ADAM10: variants seen among roughly 807,000 people sequenced by gnomAD.
ADAM10 encodes ADAM metallopeptidase domain 10, also known as disintegrin and metalloproteinase domain-containing protein 10.
Under a neutral mutation model 90.1 loss-of-function variants are expected in ADAM10, and 17 were observed. That is an observed-to-expected ratio of 0.19 (90% CI 0.13 to 0.28). The LOEUF (loss-of-function observed/expected upper bound fraction) is 0.28. ADAM10 is among the 10% of genes least tolerant of loss of function. ADAM10 has a pLI of 1.00. For missense variants in ADAM10, 610 were observed against 914.3 expected (o/e 0.67, Z 4.29); for synonymous variants, 310 against 298.6 (o/e 1.04, Z -0.40).
intron 4 of ADAM10, among the ~76,000 whole-genome samples, chr15:58,667,682 C>T (rs1463958464): frequency 1.3e-5 from 2 of 151,700 alleles, no homozygotes; most frequent in African/African-American, 2.4e-5. Flanking sequence ...GGGCCTTGTC[C>T]ATGAAAATCG....
intron 3 of ADAM10, among the ~76,000 whole-genome samples, chr15:58,679,541 T>C (rs1174539424): frequency 6.6e-6 from 1 of 152,122 alleles, no homozygotes; most frequent in Non-Finnish European, 1.5e-5. Flanking sequence ...AAATAGAGTA[T>C]CTGCCTTGTT....
At chr15:58,733,922 A>AT (rs1567017949) in intron 1 of ADAM10, among the ~76,000 whole-genome samples, 48 of 145,196 alleles carry the variant, frequency 3.3e-4, no homozygotes, top group East Asian at 8.5e-4. Flanking sequence ...TATATATATA[A>AT]AAATAATATT....
intron 1 of ADAM10, among the ~76,000 whole-genome samples, chr15:58,727,208 C>A (rs1194676453): frequency 1.1e-4 from 7 of 65,986 alleles, no homozygotes; most frequent in Non-Finnish European, 1.5e-4. Context: ...TTTTTTTTCC[C>A]AAAAACAGCG....
intron 2 of ADAM10, among the ~76,000 whole-genome samples, chr15:58,716,797 T>A (rs770810798): frequency 1.3e-5 from 2 of 152,096 alleles, no homozygotes; most frequent in Non-Finnish European, 2.9e-5. Flanking sequence ...CAGGGTTACA[T>A]CAGTACAAAA....
intron 3 of ADAM10, among the ~76,000 whole-genome samples, chr15:58,680,372 C>T (rs1310391722): frequency 6.6e-6 from 1 of 152,184 alleles, no homozygotes; most frequent in East Asian, 1.9e-4. Context: ...ATCCACCTGC[C>T]TCGGCCTCCT....
At chr15:58,631,774 A>G (rs1193709320) in intron 9 of ADAM10, among the ~76,000 whole-genome samples, 4 of 152,228 alleles carry the variant, frequency 2.6e-5, no homozygotes, top group Non-Finnish European at 5.9e-5. Flanking sequence ...ACTATGAACA[A>G]TAATTCTCTG....
intron 1 of ADAM10, among the ~76,000 whole-genome samples, chr15:58,723,752 A>G (rs947577396): frequency 3.9e-5 from 6 of 152,070 alleles, no homozygotes; most frequent in Non-Finnish European, 8.8e-5. Flanking sequence ...ATATCATAGC[A>G]AAAAGAATAA....
At chr15:58,733,249 T>A (rs1485579848) in intron 1 of ADAM10, 2 of 152,194 alleles carry the variant, frequency 1.3e-5, no homozygotes, top group African/African-American at 4.8e-5. Flanking sequence ...GTTGAACTGC[T>A]CCATCTATCC....
At chr15:58,612,315 G>C (rs1895461968) in intron 11 of ADAM10, among the ~76,000 whole-genome samples, 1 of 152,136 alleles carries the variant, frequency 6.6e-6, no homozygotes, top group South Asian at 2.1e-4. Flanking sequence ...GCCAAGTTGA[G>C]GAGCTGTGCA....
At chr15:58,708,712 T>C (rs1898380570) in intron 2 of ADAM10, among the ~76,000 whole-genome samples, 1 of 152,190 alleles carries the variant, frequency 6.6e-6, no homozygotes, top group South Asian at 2.1e-4. Context: ...TCCCACACCA[T>C]GATAACTAAG....
intron 2 of ADAM10, among the ~76,000 whole-genome samples, chr15:58,714,292 T>TACACACACACACACAC (rs71116591): frequency 4.3e-4 from 61 of 143,006 alleles, no homozygotes; most frequent in African/African-American, 1.1e-3. Context: ...TACATACACA[T>TACACACACACACACAC]ACACACACAC....
intron 15 of ADAM10, among the ~76,000 whole-genome samples, chr15:58,598,143 T>A (rs1247860401): frequency 1.3e-5 from 2 of 152,218 alleles, no homozygotes; most frequent in African/African-American, 4.8e-5. Flanking sequence ...GGATGATAAT[T>A]AACGTATATA....
chr15:58,713,006 C>A (rs1182751993), intron 2 of ADAM10, among the ~76,000 whole-genome samples: 3 of 152,146 alleles, frequency 2.0e-5, no homozygotes, highest in Non-Finnish European at 4.4e-5. Flanking sequence ...ACTACTTAGT[C>A]ATTAAGAACA....
At chr15:58,610,543 C>G in intron 13 of ADAM10, 26 bp from the exon 14 acceptor site, 1 of 1,599,676 alleles carries the variant, frequency 6.3e-7, no homozygotes, top group Non-Finnish European at 8.6e-7. Flanking sequence ...CAAATATAAG[C>G]TGAAGGTCAG....
intron 1 of ADAM10, among the ~76,000 whole-genome samples, chr15:58,739,604 C>T (rs1476654287): frequency 2.0e-5 from 3 of 152,092 alleles, no homozygotes; most frequent in Non-Finnish European, 2.9e-5. Flanking sequence ...ATTCTGATTT[C>T]CGAACCAATT....
intron 2 of ADAM10, among the ~76,000 whole-genome samples, chr15:58,708,907 T>C (rs1183150504): frequency 6.6e-6 from 1 of 152,202 alleles, no homozygotes; most frequent in Non-Finnish European, 1.5e-5. Context: ...AGAATGACTT[T>C]AAGAAATTAA....
Position 58,591,746 on chromosome 15 carries a change from G to GT in ADAM10, c.*5800dup, listed in dbSNP as rs1345742328. On this transcript the variant is annotated 3_prime_UTR_variant, in exon 16 of 16. Transcript: ENST00000260408. ...ATTTTTAAGCAAAAACTTATACATC[G>GT]TATCATTTCATTTTTTAAGTGTTTC... 6.6e-6 allele frequency: 1 copy of GT among 152,032 alleles called. No homozygotes were observed. The highest frequency in any genetic ancestry group is 2.4e-5 in the African/African-American group (1 of 41,396). 9.4% of individuals were successfully genotyped at this position (152,032 alleles called of 1,614,324 possible).
chr15:58,644,604 C>T (rs938139755), intron 6 of ADAM10, among the ~76,000 whole-genome samples: 1 of 152,124 alleles, frequency 6.6e-6, no homozygotes, highest in African/African-American at 2.4e-5. Context: ...CACGTCCATT[C>T]CTTTTCACAT....
rs1896187236 is a variant in ADAM10, at chr15:58,634,252, A to C, written c.1013-893T>G. ...AGGAGGTGGAAGTTGCAATGAGTTG[A>C]GATTGTGCCACTGCACTCCAGCCTG... On this transcript the variant is annotated intron_variant, in intron 8 of 15. Transcript: ENST00000260408. Among the ~76,000 whole-genome samples the C allele has an allele frequency of 2.0e-5, 3 of 151,642 alleles. No individual in the cohort carries two copies. In the South Asian group the frequency reaches 6.3e-4, roughly 32 times the overall value.
Sources: allele counts gnomAD v4.1 joint callset (sites outside exome capture counted in the v4.1 genomes callset), GRCh38; gene constraint gnomAD v4.1.1; transcripts MANE v1.5; gene names NCBI Gene and HGNC (gene_info 2026-07-23, HGNC 2026-07-21).